The following GLI4 variants were observed in gnomAD, a reference collection of about 807,000 sequenced individuals.
GLI4 encodes GLI family zinc finger 4.
GLI4 carries 34 observed loss-of-function variants against 30.9 expected under a neutral mutation model. The ratio of observed to expected loss-of-function variants is 1.10; its 90% CI spans 0.84 to 1.47. The LOEUF (loss-of-function observed/expected upper bound fraction) is 1.47. Among genes scored for constraint, GLI4 ranks in the 40% most tolerant of loss-of-function variants. The probability of loss-of-function intolerance (pLI) is 0.00; values close to 1 mark genes in which losing one functional copy is unlikely to be tolerated. For missense variants in GLI4, 696 were observed against 538.9 expected, an observed-to-expected ratio of 1.29 and a Z score of -2.89; for synonymous variants, 277 against 236.7, an observed-to-expected ratio of 1.17 and a Z score of -1.56.
At chr8:143,269,775 C>A (rs1370987420) in intron 2 of GLI4, among the ~76,000 whole-genome samples, 1 of 152,230 alleles carries the variant, frequency 6.6e-6, no homozygotes, top group Non-Finnish European at 1.5e-5. Context: ...CGCATTGTTT[C>A]TTTCCTGAGT....
At chr8:143,272,933 C>T (rs1294657476) in intron 2 of GLI4, among the ~76,000 whole-genome samples, 4 of 152,188 alleles carry the variant, frequency 2.6e-5, no homozygotes, top group Admixed American at 1.3e-4. Flanking sequence ...AGGGTGTCTC[C>T]GGGCACCCCT....
intron 1 of GLI4, chr8:143,268,105 T>C: frequency 1.0e-6 from 1 of 984,690 alleles, no homozygotes; most frequent in Non-Finnish European, 1.2e-6. Flanking sequence ...CCCAGTAAGT[T>C]AACTAAGTAA....
chr8:143,267,602 C>A, intron 1 of GLI4, 118 bp downstream of exon 1: 1 of 985,404 alleles, frequency 1.0e-6, no homozygotes, highest in Non-Finnish European at 1.2e-6. Flanking sequence ...CCCTTGCAGC[C>A]GCCGCTCGCC....
intron 1 of GLI4, among the ~76,000 whole-genome samples, chr8:143,268,400 C>T (rs997030356): frequency 6.6e-6 from 1 of 152,228 alleles, no homozygotes; most frequent in African/African-American, 2.4e-5. Flanking sequence ...TCACTTTTCA[C>T]ATTGGACTCA....
intron 2 of GLI4, among the ~76,000 whole-genome samples, chr8:143,271,348 C>G (rs1282065269): frequency 6.6e-6 from 1 of 152,156 alleles, no homozygotes; most frequent in Non-Finnish European, 1.5e-5. Flanking sequence ...ATCCCCTCTT[C>G]ATGCTGATAG....
At chr8:143,268,435 G>C (rs963291432) in intron 1 of GLI4, among the ~76,000 whole-genome samples, 3 of 152,196 alleles carry the variant, frequency 2.0e-5, no homozygotes, top group African/African-American at 4.8e-5. Context: ...AGTAAACTAA[G>C]AAGTGTCTTG....
At chr8:143,275,823 C>G in intron 3 of GLI4, 74 bp from the exon 4 acceptor site, 5 of 1,251,258 alleles carry the variant, frequency 4.0e-6, no homozygotes, top group Non-Finnish European at 5.0e-6. Context: ...TCTGCTCTCA[C>G]TCCCCGTCCC....
chr8:143,273,020 A>G (rs1815303813), intron 2 of GLI4: 2 of 152,210 alleles, frequency 1.3e-5, no homozygotes, highest in Admixed American at 6.5e-5. Context: ...CCCGGGGAAC[A>G]TCCTGCCTGT....
intron 2 of GLI4, 140 bp downstream of exon 2, chr8:143,269,660 G>A: frequency 2.7e-6 from 2 of 745,702 alleles, no homozygotes; most frequent in East Asian, 2.5e-5. Flanking sequence ...TCAGCAGCTG[G>A]GGTTCCCACA....
At chr8:143,268,613 C>G (rs1454792926) in intron 1 of GLI4, among the ~76,000 whole-genome samples, 2 of 152,228 alleles carry the variant, frequency 1.3e-5, no homozygotes, top group Non-Finnish European at 2.9e-5. Context: ...AACACTCATG[C>G]GCAGCAGGCA....
At position 143,269,447 on chromosome 8, in the gene GLI4, C is replaced by T. The variant is rs781522097; in HGVS notation, c.51C>T (p.Val17=). The T allele has an allele frequency of 1.2e-6, 2 of 1,608,252 alleles. No homozygotes were observed. The highest frequency in any genetic ancestry group is 1.7e-6 in the Non-Finnish European group (2 of 1,175,272). The change falls in exon 2 of 4, where the codon GTC becomes GTT. Residue 17 remains valine, a synonymous_variant. Transcript: ENST00000340042. The part of the protein sequence containing the change: ...IQESPSVPSP[V]SLSSPGTPGT... ...AGTCCCCTTCTGTCCCGTCCCCTGTCAGTCTCTCATCACCGGGGACACCTG... is the reference window on the plus strand; with the variant it reads ...AGTCCCCTTCTGTCCCGTCCCCTGTTAGTCTCTCATCACCGGGGACACCTG...
At chr8:143,267,876 C>A (rs974642482) in intron 1 of GLI4, 13 of 985,338 alleles carry the variant, frequency 1.3e-5, no homozygotes, top group Non-Finnish European at 1.6e-5. Context: ...GTGCCGAGCT[C>A]CCGGCGATTG....
chr8:143,268,788 C>T (rs770874369), intron 1 of GLI4, among the ~76,000 whole-genome samples: 1 of 150,628 alleles, frequency 6.6e-6, no homozygotes, highest in African/African-American at 2.5e-5. Flanking sequence ...TCTGCTGTGC[C>T]GCCCAGGCGG....
chr8:143,270,231 G>A (rs1012079609), intron 2 of GLI4, among the ~76,000 whole-genome samples: 16 of 152,256 alleles, frequency 1.1e-4, no homozygotes, highest in African/African-American at 3.4e-4. Flanking sequence ...CTGGCACAGG[G>A]TTCTCCCTCT....
chr8:143,269,462 G>A lies in GLI4; in HGVS notation c.66G>A (p.Pro22=), dbSNP rs6558341. The A allele has an allele frequency of 0.056, 90,510 of 1,610,776 alleles. 2,983 individuals carry two copies. Among genetic ancestry groups the A allele is most frequent in the Middle Eastern group, 0.067 (407 of 6,058 alleles). ...SVPSPVSLSS[P]GTPGTQHHEP... ...CGTCCCCTGTCAGTCTCTCATCACC[G>A]GGGACACCTGGAACCCAGCACCACG... Residue 22 remains proline (P), a synonymous_variant, in exon 2 of 4, where the codon CCG becomes CCA. Transcript: ENST00000340042.
At chr8:143,272,669 G>A (rs1815295767) in intron 2 of GLI4, among the ~76,000 whole-genome samples, 1 of 152,332 alleles carries the variant, frequency 6.6e-6, no homozygotes, top group African/African-American at 2.4e-5. Flanking sequence ...CCAGCAGGTG[G>A]CAGGTGACTG....
In GLI4 at chr8:143,276,257, A is replaced by G; in HGVS notation, c.584A>G (p.Asn195Ser). The change falls in exon 4 of 4, where the codon AAC becomes AGC. Residue 195 changes from asparagine to serine, a missense_variant. Transcript: ENST00000340042. The part of the protein sequence containing the change: ...CEACGKSFKY[N>S]SLLLKHQRIH... ...GCCTGCGGCAAGAGTTTCAAGTATA[A>G]CTCGCTGCTCCTGAAGCACCAGCGC... is the stretch of plus-strand genomic sequence containing the variant. The G allele has an allele frequency of 6.2e-7, 1 of 1,611,288 alleles. No homozygotes were observed. Among genetic ancestry groups the G allele is most frequent in the Non-Finnish European group, 8.5e-7 (1 of 1,179,190 alleles).
Position 143,274,777 on chromosome 8 carries a change from G to C in GLI4, c.198G>C (p.Glu66Asp). 6.4e-7 allele frequency: 1 copy of C among 1,567,946 alleles called. No individual in the cohort carries two copies. Among genetic ancestry groups the C allele is most frequent in the South Asian group, 1.2e-5 (1 of 86,084 alleles). Residue 66 changes from glutamate (E) to aspartate (D), a missense_variant, in exon 3 of 4, where the codon GAG becomes GAC. Glu to Asp is a conservative substitution (Grantham distance 45, BLOSUM62 2). Transcript: ENST00000340042. ...DLDLQDVEEV[E>D]IGRDTFWPDS... ...ATCTCCAAGACGTAGAGGAAGTGGA[G>C]ATCGGCAGAGACACCTTCTGGCCCG...
Position 143,269,521 on chromosome 8 carries a change from G to T in GLI4, c.124+1G>T. ...CTTCACCTCCATGGGCATCAACATG[G>T]TACTCACCCAGCCCGCTGTGCGCCC... On this transcript the variant is annotated splice_donor_variant, in intron 2 of 3. Transcript: ENST00000340042. LOFTEE classifies it high-confidence loss of function. The T allele has an allele frequency of 1.2e-6, 2 of 1,612,260 alleles. No individual in the cohort carries two copies. Among genetic ancestry groups the T allele is most frequent in the Non-Finnish European group, 8.5e-7 (1 of 1,178,892 alleles).
Sources: gnomAD v4.1 joint callset for allele counts (sites outside exome capture counted in the v4.1 genomes callset) on GRCh38, gnomAD v4.1.1 for gene constraint, MANE v1.5 for transcripts, NCBI Gene and HGNC (gene_info 2026-07-23, HGNC 2026-07-21) for gene names.